Variants in ADAMTS3 observed in about 807,000 individuals in gnomAD.
ADAMTS3 encodes ADAM metallopeptidase with thrombospondin type 1 motif 3.
ADAMTS3 carries 73 observed loss-of-function variants against 129.0 expected under a neutral mutation model. The ratio of observed to expected loss-of-function variants is 0.57; its 90% CI spans 0.47 to 0.69. The LOEUF (loss-of-function observed/expected upper bound fraction) is 0.69. Among genes scored for constraint, ADAMTS3 ranks in the 30% least tolerant of loss-of-function variants. ADAMTS3 has a pLI of 0.00. For synonymous variants in ADAMTS3, 477 were observed against 510.8 expected (o/e 0.93, Z 0.89); for missense variants, 1,457 against 1,514.5 (o/e 0.96, Z 0.63).
chr4:72,464,559 A>G (rs1718867839), intron 3 of ADAMTS3, among the ~76,000 whole-genome samples: 1 of 152,078 alleles, frequency 6.6e-6, no homozygotes, highest in Admixed American at 6.6e-5. Flanking sequence ...TCCACTAGCA[A>G]ACATTTATTG....
At chr4:72,497,488 T>G (rs1265721893) in intron 3 of ADAMTS3, among the ~76,000 whole-genome samples, 1 of 151,626 alleles carries the variant, frequency 6.6e-6, no homozygotes, top group Admixed American at 6.6e-5. Flanking sequence ...TGAAGAGACA[T>G]CAAGGAGAGT....
At chr4:72,383,584 A>C (rs1010474135) in intron 4 of ADAMTS3, among the ~76,000 whole-genome samples, 1 of 152,164 alleles carries the variant, frequency 6.6e-6, no homozygotes, top group African/African-American at 2.4e-5. Flanking sequence ...CCCCTGAACT[A>C]TATGTGTTCG....
intron 3 of ADAMTS3, among the ~76,000 whole-genome samples, chr4:72,446,256 T>C (rs1226760368): frequency 6.6e-6 from 1 of 151,714 alleles, no homozygotes; most frequent in Admixed American, 6.6e-5. Flanking sequence ...TATCTTTTTA[T>C]TTGGGAAAAA....
intron 3 of ADAMTS3, among the ~76,000 whole-genome samples, chr4:72,506,669 C>T (rs1270623952): frequency 1.3e-5 from 2 of 152,194 alleles, no homozygotes; most frequent in African/African-American, 4.8e-5. Context: ...AAGTTACCTC[C>T]AGGACCTGGG....
intron 3 of ADAMTS3, among the ~76,000 whole-genome samples, chr4:72,417,524 A>T (rs190706654): frequency 6.6e-6 from 1 of 152,342 alleles, no homozygotes; most frequent in Admixed American, 6.5e-5. Flanking sequence ...AAACTGAGTC[A>T]GTATTAGTGA....
At chr4:72,475,479 T>C (rs1719203774) in intron 3 of ADAMTS3, among the ~76,000 whole-genome samples, 1 of 151,984 alleles carries the variant, frequency 6.6e-6, no homozygotes, top group South Asian at 2.1e-4. Flanking sequence ...TAAATACATA[T>C]GCACCAGACA....
chr4:72,491,741 T>A (rs1396388383), intron 3 of ADAMTS3, among the ~76,000 whole-genome samples: 4 of 151,812 alleles, frequency 2.6e-5, no homozygotes, highest in Non-Finnish European at 5.9e-5. Context: ...TTTTCTTTAC[T>A]ATTTTTGCCT....
At chr4:72,400,247 G>GGTGT (rs564681632) in intron 4 of ADAMTS3, among the ~76,000 whole-genome samples, 21 of 137,580 alleles carry the variant, frequency 1.5e-4, no homozygotes, top group East Asian at 1.4e-3. Context: ...ATGCACACAT[G>GGTGT]GTGTGTATAT....
chr4:72,412,767 C>T (rs1722213213), intron 4 of ADAMTS3, among the ~76,000 whole-genome samples: 1 of 151,994 alleles, frequency 6.6e-6, no homozygotes, highest in African/African-American at 2.4e-5. Flanking sequence ...TTTGCTCTGA[C>T]CCATGACCAT....
chr4:72,555,454 T>C (rs1721739997), intron 2 of ADAMTS3, among the ~76,000 whole-genome samples: 1 of 151,782 alleles, frequency 6.6e-6, no homozygotes, highest in Non-Finnish European at 1.5e-5. Flanking sequence ...TCAAGCCCCA[T>C]CTTTTCCAAG....
At position 72,526,568 on chromosome 4, in the gene ADAMTS3, T is replaced by TTGTGTG. The variant is rs1176903062; in HGVS notation, c.504+21909_504+21910insCACACA. Among the ~76,000 whole-genome samples the TTGTGTG allele has an allele frequency of 7.5e-4, 21 of 28,134 alleles. No individual in the cohort carries two copies. The East Asian group carries it at 0.021, about 28-fold the overall frequency. The allele number at this position is 28,134 out of a possible 152,430, so 18.5% of individuals were successfully genotyped here. A position where few individuals can be genotyped will look rare whatever the true frequency, so the allele number is the denominator to read the frequency against. On this transcript the variant is annotated intron_variant, in intron 3 of 21. Transcript: ENST00000286657. ...AATTAATAAAATATACTAATGAAATTTATGTGTGTGTGTGTGTGTGTGTGT... is the reference window on the plus strand; with the variant it reads ...AATTAATAAAATATACTAATGAAATTTGTGTGTATGTGTGTGTGTGTGTGTGTGTGT...
At chr4:72,341,485 C>A (rs927718509) in intron 4 of ADAMTS3, among the ~76,000 whole-genome samples, 1 of 152,170 alleles carries the variant, frequency 6.6e-6, no homozygotes, top group African/African-American at 2.4e-5. Context: ...CTGCAAATAG[C>A]TTTACCATTC....
At chr4:72,490,327 T>C (rs748088845) in intron 3 of ADAMTS3, among the ~76,000 whole-genome samples, 3 of 152,048 alleles carry the variant, frequency 2.0e-5, no homozygotes, top group African/African-American at 7.2e-5. Context: ...TTGTCATTTA[T>C]TTCTATGCAA....
At chr4:72,477,972 C>G (rs1719291928) in intron 3 of ADAMTS3, among the ~76,000 whole-genome samples, 1 of 152,140 alleles carries the variant, frequency 6.6e-6, no homozygotes, top group South Asian at 2.1e-4. Flanking sequence ...GACACATACA[C>G]CCTCCCAAGA....
intron 4 of ADAMTS3, among the ~76,000 whole-genome samples, chr4:72,414,020 T>C (rs1182935962): frequency 1.3e-5 from 2 of 152,010 alleles, no homozygotes; most frequent in East Asian, 3.9e-4. Context: ...ACAAATTATT[T>C]CTAAATTACT....
At chr4:72,374,897 G>C (rs1721099644) in intron 4 of ADAMTS3, among the ~76,000 whole-genome samples, 1 of 152,124 alleles carries the variant, frequency 6.6e-6, no homozygotes, top group Non-Finnish European at 1.5e-5. Context: ...ACCTTTAAAT[G>C]AAAGTAGGTA....
intron 18 of ADAMTS3, 152 bp downstream of exon 18, chr4:72,298,125 A>C (rs1718853656): frequency 6.9e-6 from 4 of 578,472 alleles, no homozygotes; most frequent in Non-Finnish European, 8.7e-6. Flanking sequence ...TGATTCTGAG[A>C]TTTCAGTAAA....
intron 18 of ADAMTS3, among the ~76,000 whole-genome samples, chr4:72,297,305 A>C (rs1443273205): frequency 6.6e-6 from 1 of 152,134 alleles, no homozygotes; most frequent in African/African-American, 2.4e-5. Flanking sequence ...GTAAATGTTG[A>C]GAGTACAGCA....
intron 3 of ADAMTS3, among the ~76,000 whole-genome samples, chr4:72,547,039 A>G (rs1721485533): frequency 6.6e-6 from 1 of 152,212 alleles, no homozygotes; most frequent in Non-Finnish European, 1.5e-5. Context: ...AACCATGAGC[A>G]TCTCAGTAAG....
Sources: allele counts gnomAD v4.1 joint callset (sites outside exome capture counted in the v4.1 genomes callset), GRCh38; gene constraint gnomAD v4.1.1; transcripts MANE v1.5; gene names NCBI Gene and HGNC (gene_info 2026-07-23, HGNC 2026-07-21).